GRM7: variants seen among roughly 807,000 people sequenced by gnomAD.
GRM7 encodes glutamate metabotropic receptor 7.
In GRM7, 35 loss-of-function variants were observed where a neutral mutation model predicts 84.5. The ratio of observed to expected loss-of-function variants is 0.41; its 90% CI spans 0.32 to 0.55. GRM7 has a LOEUF of 0.55. Among genes scored for constraint, GRM7 ranks in the 20% least tolerant of loss-of-function variants. The probability of loss-of-function intolerance (pLI) is 0.19; values close to 1 mark genes in which losing one functional copy is unlikely to be tolerated. For synonymous variants in GRM7, 487 were observed against 455.1 expected, an observed-to-expected ratio of 1.07 and a Z score of -0.89; for missense variants, 1,003 against 1,194.6, an observed-to-expected ratio of 0.84 and a Z score of 2.36.
chr3:7,534,816 G>T (rs1301543235), intron 7 of GRM7, among the ~76,000 whole-genome samples: 2 of 152,128 alleles, frequency 1.3e-5, no homozygotes, highest in African/African-American at 4.8e-5. Flanking sequence ...TGTCACAGCT[G>T]GTGAATCTAT....
chr3:7,039,648 C>T (rs925120098), intron 1 of GRM7, among the ~76,000 whole-genome samples: 1 of 151,720 alleles, frequency 6.6e-6, no homozygotes, highest in Non-Finnish European at 1.5e-5. Context: ...GAGTGTCAAT[C>T]AATACAAAGC....
At chr3:7,060,895 C>T (rs1008353078) in intron 1 of GRM7, among the ~76,000 whole-genome samples, 2 of 151,692 alleles carry the variant, frequency 1.3e-5, no homozygotes, top group Non-Finnish European at 3.0e-5. Flanking sequence ...AAACAATTTT[C>T]CTACCTCACA....
intron 2 of GRM7, among the ~76,000 whole-genome samples, chr3:7,236,241 A>C (rs114374874): frequency 0.011 from 1,662 of 152,326 alleles, 24 homozygotes; most frequent in African/African-American, 0.031. Context: ...TTAGAGAGAA[A>C]CATACATTCA....
intron 1 of GRM7, among the ~76,000 whole-genome samples, chr3:6,898,402 CAAAA>C (rs58548226): frequency 8.8e-5 from 9 of 101,816 alleles, no homozygotes; most frequent in Admixed American, 2.1e-4. Context: ...GGCACAAAGA[CAAAA>C]AAAAAAAAAA....
At chr3:7,678,632 G>T (rs1043342367) in intron 8 of GRM7, among the ~76,000 whole-genome samples, 2 of 152,142 alleles carry the variant, frequency 1.3e-5, no homozygotes, top group African/African-American at 4.8e-5. Flanking sequence ...ACATTGTTTT[G>T]TCTTTCTATG....
chr3:7,084,513 G>A (rs1698378752), intron 1 of GRM7, among the ~76,000 whole-genome samples: 1 of 152,070 alleles, frequency 6.6e-6, no homozygotes, highest in Admixed American at 6.6e-5. Flanking sequence ...TTATGTGTGA[G>A]GTATGTATGA....
chr3:7,179,657 C>G (rs569554451), intron 2 of GRM7, among the ~76,000 whole-genome samples: 3 of 152,274 alleles, frequency 2.0e-5, no homozygotes, highest in Admixed American at 6.5e-5. Context: ...CTACAGACAC[C>G]TTGTAACTTG....
chr3:7,396,710 G>T (rs576692787), intron 4 of GRM7, among the ~76,000 whole-genome samples: 1 of 152,198 alleles, frequency 6.6e-6, no homozygotes, highest in African/African-American at 2.4e-5. Flanking sequence ...CTGGTGATCT[G>T]TTTCATGAGG....
At chr3:7,620,757 A>G (rs1196983101) in intron 8 of GRM7, among the ~76,000 whole-genome samples, 5 of 152,146 alleles carry the variant, frequency 3.3e-5, no homozygotes. Flanking sequence ...CCCAAATTAT[A>G]AACTACCATT....
chr3:6,896,565 T>C (rs899904004), intron 1 of GRM7, among the ~76,000 whole-genome samples: 1 of 152,160 alleles, frequency 6.6e-6, no homozygotes, highest in Admixed American at 6.5e-5. Context: ...GCATCATCAG[T>C]GTGGCCTGAT....
At chr3:7,146,757 C>A in intron 2 of GRM7, 89 bp downstream of exon 2, 1 of 828,082 alleles carries the variant, frequency 1.2e-6, no homozygotes, top group Non-Finnish European at 2.0e-6. Flanking sequence ...ATAAACACTA[C>A]AGACTCTTAC....
chr3:7,488,210 C>T (rs1699393009), intron 7 of GRM7, among the ~76,000 whole-genome samples: 1 of 152,146 alleles, frequency 6.6e-6, no homozygotes, highest in South Asian at 2.1e-4. Flanking sequence ...CAGGCCCACA[C>T]CTGGACTTTG....
intron 1 of GRM7, among the ~76,000 whole-genome samples, chr3:6,962,911 G>C (rs1575072583): frequency 6.6e-6 from 1 of 152,184 alleles, no homozygotes; most frequent in Non-Finnish European, 1.5e-5. Context: ...GTTTTAAGCT[G>C]TTTACTTGTC....
At chr3:7,212,946 A>C (rs1559505378) in intron 2 of GRM7, among the ~76,000 whole-genome samples, 1 of 152,268 alleles carries the variant, frequency 6.6e-6, no homozygotes, top group East Asian at 1.9e-4. Context: ...AGGTGTTAAT[A>C]GCATTATTGT....
At chr3:7,444,182 C>T (rs1451169842) in intron 5 of GRM7, among the ~76,000 whole-genome samples, 1 of 152,186 alleles carries the variant, frequency 6.6e-6, no homozygotes, top group African/African-American at 2.4e-5. Flanking sequence ...CTGAATACAA[C>T]TCCTGGGATG....
intron 4 of GRM7, among the ~76,000 whole-genome samples, chr3:7,320,201 A>G (rs1450174709): frequency 6.6e-6 from 1 of 151,794 alleles, no homozygotes. Context: ...GGGAGTAAAG[A>G]TTTTTTTCTC....
chr3:7,422,213 T>C (rs780988847), intron 5 of GRM7, among the ~76,000 whole-genome samples: 10 of 152,142 alleles, frequency 6.6e-5, no homozygotes, highest in Non-Finnish European at 1.5e-4. Flanking sequence ...GCATTATGGG[T>C]CAGGCTGTTT....
At chr3:7,542,201 CAT>C (rs1160633784) in intron 7 of GRM7, among the ~76,000 whole-genome samples, 12 of 152,192 alleles carry the variant, frequency 7.9e-5, no homozygotes, top group Non-Finnish European at 1.2e-4. Flanking sequence ...AGTAATTCAA[CAT>C]GTCTTTTTGC....
intron 7 of GRM7, among the ~76,000 whole-genome samples, chr3:7,467,464 C>T (rs1354293971): frequency 6.6e-6 from 1 of 152,116 alleles, no homozygotes; most frequent in Non-Finnish European, 1.5e-5. Context: ...TCAGTTTAAG[C>T]CAATCACTGT....
Sources: gnomAD v4.1 joint callset for allele counts (sites outside exome capture counted in the v4.1 genomes callset) on GRCh38, gnomAD v4.1.1 for gene constraint, MANE v1.5 for transcripts, NCBI Gene and HGNC (gene_info 2026-07-23, HGNC 2026-07-21) for gene names.